Variants in ADORA2B observed in about 807,000 individuals in gnomAD.
The protein encoded by ADORA2B is adenosine receptor A2b.
In ADORA2B, 18 loss-of-function variants were observed where a neutral mutation model predicts 20.8. That is an observed-to-expected ratio of 0.87 (90% CI 0.60 to 1.29). The LOEUF (loss-of-function observed/expected upper bound fraction) is 1.29. Among genes scored for constraint, ADORA2B ranks in the 50% most tolerant of loss-of-function variants. The pLI is 0.00. For missense variants in ADORA2B, 441 were observed against 422.7 expected, an observed-to-expected ratio of 1.04 and a Z score of -0.38; for synonymous variants, 179 against 178.3, an observed-to-expected ratio of 1.00 and a Z score of -0.03.
At chr17:15,949,060 T>C (rs1969856522) in intron 1 of ADORA2B, among the ~76,000 whole-genome samples, 1 of 151,540 alleles carries the variant, frequency 6.6e-6, no homozygotes, top group African/African-American at 2.4e-5. Flanking sequence ...ATATAAAAAT[T>C]AGCTGGGTGT....
the ADORA2B span, among the ~76,000 whole-genome samples, chr17:15,855,780 A>G: frequency 1.8e-4 from 28 of 152,202 alleles, no homozygotes; most frequent in African/African-American, 6.8e-4. Context: ...TTGGGGTACA[A>G]TTGATCCCAT....
At chr17:15,905,650 C>T in the ADORA2B span, among the ~76,000 whole-genome samples, 33 of 150,240 alleles carry the variant, frequency 2.2e-4, no homozygotes, top group Non-Finnish European at 4.4e-4. Context: ...AAATGAGCTA[C>T]TGCACCCAGC....
the ADORA2B span, among the ~76,000 whole-genome samples, chr17:15,911,917 A>T: frequency 6.6e-6 from 1 of 152,126 alleles, no homozygotes; most frequent in Non-Finnish European, 1.5e-5. Context: ...ATTTTTTTAA[A>T]AATTAGCCAG....
At chr17:15,935,035 G>A in the ADORA2B span, among the ~76,000 whole-genome samples, 2 of 152,030 alleles carry the variant, frequency 1.3e-5, no homozygotes, top group Non-Finnish European at 2.9e-5. Flanking sequence ...TCAAACTCCT[G>A]ACCCCAAACG....
chr17:15,917,726 C>T, the ADORA2B span, among the ~76,000 whole-genome samples: 59 of 152,366 alleles, frequency 3.9e-4, no homozygotes, highest in African/African-American at 1.4e-3. Flanking sequence ...CCCTGCCTAG[C>T]CTGGCCCATG....
the ADORA2B span, among the ~76,000 whole-genome samples, chr17:15,865,204 C>T: frequency 1.3e-5 from 2 of 152,226 alleles, no homozygotes; most frequent in Admixed American, 6.5e-5. Context: ...GTTTTTTGTG[C>T]GTGTGAAACA....
chr17:15,958,103 C>G (rs1057147721), intron 1 of ADORA2B, among the ~76,000 whole-genome samples: 1 of 151,718 alleles, frequency 6.6e-6, no homozygotes, highest in South Asian at 2.1e-4. Context: ...ACCGCAACCT[C>G]TGTCTCCCAG....
upstream of ADORA2B, among the ~76,000 whole-genome samples, chr17:15,943,415 C>T (rs766587857): frequency 6.6e-6 from 1 of 152,178 alleles, no homozygotes; most frequent in Non-Finnish European, 1.5e-5. Context: ...CAGCCTCGAA[C>T]CCCTGGCCTC....
the ADORA2B span, among the ~76,000 whole-genome samples, chr17:15,853,249 A>AT: frequency 5.3e-5 from 8 of 151,776 alleles, no homozygotes; most frequent in African/African-American, 1.9e-4. Flanking sequence ...CTTTCCTAGA[A>AT]TACCGTACTT....
At chr17:15,865,915 A>G in the ADORA2B span, among the ~76,000 whole-genome samples, 1 of 150,708 alleles carries the variant, frequency 6.6e-6, no homozygotes, top group African/African-American at 2.4e-5. Context: ...TCCCCTGTAC[A>G]GAGACAGAGG....
At chr17:15,883,376 C>T in the ADORA2B span, among the ~76,000 whole-genome samples, 1 of 152,136 alleles carries the variant, frequency 6.6e-6, no homozygotes, top group Non-Finnish European at 1.5e-5. Flanking sequence ...TAACTTATGA[C>T]TTAATGTCTC....
the ADORA2B span, among the ~76,000 whole-genome samples, chr17:15,907,093 TAA>T: frequency 1.3e-5 from 2 of 152,220 alleles, no homozygotes. Flanking sequence ...TTGCTTTCTG[TAA>T]GTCATGTTAT....
the ADORA2B span, among the ~76,000 whole-genome samples, chr17:15,879,327 C>T: frequency 2.0e-5 from 3 of 151,884 alleles, no homozygotes; most frequent in Non-Finnish European, 2.9e-5. Context: ...GTGGCACATG[C>T]CTGTAGTCTC....
chr17:15,896,262 T>C, the ADORA2B span, among the ~76,000 whole-genome samples: 1 of 152,118 alleles, frequency 6.6e-6, no homozygotes. Context: ...GAAAGGATTA[T>C]CTACCAGAAC....
chr17:15,923,402 TATA>T, the ADORA2B span, among the ~76,000 whole-genome samples: 20 of 129,146 alleles, frequency 1.5e-4, no homozygotes, highest in South Asian at 4.8e-4. Flanking sequence ...TATATATATA[TATA>T]TATTTTTTTT....
the ADORA2B span, among the ~76,000 whole-genome samples, chr17:15,898,453 C>CCT: frequency 7.8e-6 from 1 of 127,502 alleles, no homozygotes; most frequent in Non-Finnish European, 1.7e-5. Context: ...TAATCTCCCA[C>CCT]TTTTTTTTTT....
chr17:15,965,749 C>CTAG (rs1970108104), intron 1 of ADORA2B, among the ~76,000 whole-genome samples: 1 of 152,262 alleles, frequency 6.6e-6, no homozygotes, highest in African/African-American at 2.4e-5. Flanking sequence ...GCTGGCACTC[C>CTAG]CGTAGAAAGC....
intron 1 of ADORA2B, among the ~76,000 whole-genome samples, chr17:15,969,369 G>A (rs1388335571): frequency 2.0e-5 from 3 of 152,142 alleles, no homozygotes; most frequent in Admixed American, 1.3e-4. Flanking sequence ...CAGGAGAATC[G>A]CTTGAAACCA....
the ADORA2B span, among the ~76,000 whole-genome samples, chr17:15,925,083 T>C: frequency 1.3e-5 from 2 of 152,172 alleles, no homozygotes; most frequent in South Asian, 2.1e-4. Flanking sequence ...TCACCCAGGC[T>C]GGAGTGCAGT....
Sources: allele counts gnomAD v4.1 joint callset (sites outside exome capture counted in the v4.1 genomes callset), GRCh38; gene constraint gnomAD v4.1.1; transcripts MANE v1.5; gene names NCBI Gene and HGNC (gene_info 2026-07-23, HGNC 2026-07-21).